ZNF618: variants seen among roughly 807,000 people sequenced by gnomAD.
The protein encoded by ZNF618 is zinc finger protein 618.
Under a neutral mutation model 103.0 loss-of-function variants are expected in ZNF618, and 34 were observed. The ratio of observed to expected loss-of-function variants is 0.33; its 90% CI spans 0.25 to 0.44. The LOEUF is 0.44. Among genes scored for constraint, ZNF618 ranks in the 20% least tolerant of loss-of-function variants. ZNF618 has a pLI of 1.00. For missense variants in ZNF618, 1,059 were observed against 1,295.4 expected (o/e 0.82, Z 2.80); for synonymous variants, 551 against 542.2 (o/e 1.02, Z -0.23).
At position 114,032,715 on chromosome 9, in the gene ZNF618, G is replaced by A. The variant is rs188014542; in HGVS notation, c.1155G>A (p.Ser385=). The A allele has an allele frequency of 5.5e-4, 881 of 1,614,010 alleles. No homozygotes were observed. The highest frequency in any genetic ancestry group is 7.1e-4 in the Non-Finnish European group (835 of 1,179,866). ...ACTTTGAAGAGACGAACAGCAGTTC[G>A]CAGAACTCCAGCGGTGAGTGTGCCC... is the stretch of plus-strand genomic sequence containing the variant. The part of the protein sequence containing the change: ...QNHFEETNSS[S]QNSSEPYTCG... The change falls in exon 12 of 15, where the codon TCG becomes TCA. Residue 385 remains serine (S), a synonymous_variant. Coordinates refer to ENST00000374126, the MANE Select transcript of ZNF618 (RefSeq NM_001318042.2).
In ZNF618 at chr9:114,052,070, C is replaced by CA. The variant is rs1203808482; in HGVS notation, c.*1905dup. 1 of 152,652 alleles carries CA rather than the reference C, an allele frequency of 6.6e-6. No individual in the cohort carries two copies. Among genetic ancestry groups the CA allele is most frequent in the Non-Finnish European group, 1.5e-5 (1 of 68,068 alleles). 9.5% of individuals were successfully genotyped at this position (152,652 alleles called of 1,614,324 possible). Reference sequence around the variant, plus strand: ...CCCTTCCCAATAATAAAGCATCACTCAACTGTGAGATACCTCGACTACAAA... The same window carrying CA: ...CCCTTCCCAATAATAAAGCATCACTCAAACTGTGAGATACCTCGACTACAAA... On this transcript the variant is annotated 3_prime_UTR_variant, in exon 15 of 15. Transcript: ENST00000374126.
chr9:114,047,789 A>G (rs1845787820), intron 13 of ZNF618, 104 bp from the exon 14 acceptor site: 2 of 937,490 alleles, frequency 2.1e-6, no homozygotes, highest in Admixed American at 4.5e-5. Context: ...CCTGAGTCCC[A>G]ATGGCCACAT....
At chr9:114,027,886 C>G (rs1433452698) in intron 10 of ZNF618, 1 of 152,616 alleles carries the variant, frequency 6.6e-6, no homozygotes, top group African/African-American at 2.4e-5. Flanking sequence ...TGCCTAGCCC[C>G]CTTCCTGCCC....
chr9:113,995,890 C>T (rs1031836532), intron 3 of ZNF618, among the ~76,000 whole-genome samples: 2 of 152,022 alleles, frequency 1.3e-5, no homozygotes, highest in African/African-American at 2.4e-5. Context: ...GTGAAAGGAT[C>T]GTCTTTTGTT....
At chr9:114,019,021 G>A (rs929783879) in intron 10 of ZNF618, among the ~76,000 whole-genome samples, 1 of 152,198 alleles carries the variant, frequency 6.6e-6, no homozygotes, top group Non-Finnish European at 1.5e-5. Flanking sequence ...GCTGGGACTT[G>A]AGACTCTGGG....
At chr9:113,980,514 G>A (rs1838876706) in intron 2 of ZNF618, among the ~76,000 whole-genome samples, 1 of 152,064 alleles carries the variant, frequency 6.6e-6, no homozygotes, top group Non-Finnish European at 1.5e-5. Flanking sequence ...GAGCCCAGGA[G>A]TTCAAGACCA....
chr9:113,911,568 A>T lies in ZNF618; in HGVS notation c.33+35155A>T, dbSNP rs552721721. ...GGTCTCGAGCTCCTGACCTCAGGTG[A>T]TCCGCCCGCCTTGGCCTCCCAACGT... On this transcript the variant is annotated intron_variant, in intron 1 of 14. Transcript: ENST00000374126. Among the ~76,000 whole-genome samples the T allele has an allele frequency of 2.6e-5, 4 of 152,008 alleles. No individual in the cohort carries two copies. The East Asian group carries it at 5.8e-4, about 22-fold the overall frequency.
rs187257118 is a variant in ZNF618, at chr9:114,050,935, C to A, written c.*768C>A. 1.7e-4 allele frequency: 26 copies of A among 152,746 alleles called. No individual in the cohort carries two copies. The highest frequency in any genetic ancestry group is 1.6e-3 in the Admixed American group (24 of 15,298). 9.5% of individuals were successfully genotyped at this position (152,746 alleles called of 1,614,324 possible). A position where few individuals can be genotyped will look rare whatever the true frequency, so the allele number is the denominator to read the frequency against. On this transcript the variant is annotated 3_prime_UTR_variant, in exon 15 of 15. Transcript: ENST00000374126. Reference sequence around the variant, plus strand: ...GCCTTAGAAACACACCTATCTATCTCCCCAAATCAGGAAAGGAGACTTAAA... The same window carrying A: ...GCCTTAGAAACACACCTATCTATCTACCCAAATCAGGAAAGGAGACTTAAA...
At chr9:113,883,007 T>C (rs1828674113) in intron 1 of ZNF618, among the ~76,000 whole-genome samples, 1 of 152,218 alleles carries the variant, frequency 6.6e-6, no homozygotes, top group African/African-American at 2.4e-5. Context: ...ACTTGTAACA[T>C]CTGTGAGGGT....
chr9:113,878,797 G>A lies in ZNF618; in HGVS notation c.33+2384G>A, dbSNP rs572025707. Among the ~76,000 whole-genome samples, 121 of 152,274 alleles carry A rather than the reference G, an allele frequency of 7.9e-4. 1 individual carries two copies. Among genetic ancestry groups the A allele is most frequent in the Admixed American group, 1.6e-3 (24 of 15,306 alleles). On this transcript the variant is annotated intron_variant, in intron 1 of 14. Coordinates refer to ENST00000374126, the MANE Select transcript of ZNF618 (RefSeq NM_001318042.2). ...CTAGCTGGTCTTGGGAAAACTGGTG[G>A]CCCCAGTCCATAGATTCCCAACCCT...
chr9:114,020,582 T>C (rs1842987347), intron 10 of ZNF618, among the ~76,000 whole-genome samples: 1 of 151,840 alleles, frequency 6.6e-6, no homozygotes, highest in East Asian at 1.9e-4. Flanking sequence ...CCATGACTTT[T>C]AAATTTAATT....
chr9:113,909,461 T>G, intron 1 of ZNF618, among the ~76,000 whole-genome samples: 1 of 152,158 alleles, frequency 6.6e-6, no homozygotes. Context: ...GGACTTTTCC[T>G]GAGATTTGTT....
chr9:113,890,742 C>CCTGG (rs1266614430), intron 1 of ZNF618, among the ~76,000 whole-genome samples: 1 of 152,168 alleles, frequency 6.6e-6, no homozygotes, highest in Non-Finnish European at 1.5e-5. Flanking sequence ...ATTGTGAGTG[C>CCTGG]CCATTTTACA....
At chr9:113,934,124 A>G (rs145094857) in intron 1 of ZNF618, among the ~76,000 whole-genome samples, 3 of 152,304 alleles carry the variant, frequency 2.0e-5, no homozygotes, top group African/African-American at 7.2e-5. Context: ...AATTGAAGAC[A>G]GAAGTAATGG....
chr9:113,999,831 G>C (rs564126415), intron 4 of ZNF618, among the ~76,000 whole-genome samples: 8 of 152,338 alleles, frequency 5.3e-5, no homozygotes, highest in African/African-American at 1.4e-4. Flanking sequence ...CATTGCTGGG[G>C]CCTCAGTGCC....
At chr9:113,914,083 T>C (rs1831827737) in intron 1 of ZNF618, among the ~76,000 whole-genome samples, 1 of 152,130 alleles carries the variant, frequency 6.6e-6, no homozygotes, top group Admixed American at 6.5e-5. Flanking sequence ...CTAAGCACAC[T>C]TTTTATTTAA....
In ZNF618 at chr9:113,956,025, C is replaced by T. The variant is rs1424423600; in HGVS notation, c.34-13092C>T. Among the ~76,000 whole-genome samples, 11 of 151,832 alleles carry T rather than the reference C, an allele frequency of 7.2e-5. 1 individual carries two copies. The highest frequency in any genetic ancestry group is 5.9e-4 in the Admixed American group (9 of 15,244). ...AGTAGTTCGAGACCAACCTGACCAA[C>T]ATGGTGAAACCCCATCTCTACTAAA... On this transcript the variant is annotated intron_variant, in intron 1 of 14. Transcript: ENST00000374126.
chr9:114,007,304 A>T (rs1588315802), intron 6 of ZNF618, 46 bp from the exon 7 acceptor site: 1 of 1,581,422 alleles, frequency 6.3e-7, no homozygotes, highest in African/African-American at 1.3e-5. Flanking sequence ...CCCACCCCAC[A>T]AGACTGAAGC....
intron 10 of ZNF618, among the ~76,000 whole-genome samples, chr9:114,024,178 A>G (rs1285045663): frequency 2.0e-5 from 3 of 151,998 alleles, no homozygotes; most frequent in African/African-American, 4.8e-5. Context: ...CTTCAAGTTC[A>G]CTGATCTTCT....
Sources: gnomAD v4.1 joint callset for allele counts (sites outside exome capture counted in the v4.1 genomes callset) on GRCh38, gnomAD v4.1.1 for gene constraint, MANE v1.5 for transcripts, NCBI Gene and HGNC (gene_info 2026-07-23, HGNC 2026-07-21) for gene names.